The following FAF1 variants were observed in gnomAD, a reference collection of about 807,000 sequenced individuals.
FAF1 encodes FAS-associated factor 1.
FAF1 carries 25 observed loss-of-function variants against 92.5 expected under a neutral mutation model. The observed-to-expected ratio is 0.27, with a 90% CI of 0.20 to 0.38. The LOEUF (loss-of-function observed/expected upper bound fraction) is 0.38. Ranked by LOEUF, FAF1 falls within the 10% of genes least tolerant of loss-of-function variation. FAF1 has a pLI of 1.00. For missense variants in FAF1, 636 were observed against 793.3 expected, an observed-to-expected ratio of 0.80 and a Z score of 2.38; for synonymous variants, 234 against 273.2, an observed-to-expected ratio of 0.86 and a Z score of 1.42.
intron 13 of FAF1, among the ~76,000 whole-genome samples, chr1:50,544,234 C>G (rs998045661): frequency 6.6e-6 from 1 of 152,098 alleles, no homozygotes; most frequent in Non-Finnish European, 1.5e-5. Context: ...TTGGTTTAAA[C>G]TAAACTAAGT....
intron 6 of FAF1, among the ~76,000 whole-genome samples, chr1:50,712,598 G>A (rs1458645621): frequency 6.6e-6 from 1 of 152,148 alleles, no homozygotes; most frequent in Non-Finnish European, 1.5e-5. Context: ...AGAGGTTGCA[G>A]TGAGCCGAAA....
chr1:50,933,850 A>G (rs1470820492), intron 1 of FAF1, among the ~76,000 whole-genome samples: 1 of 152,216 alleles, frequency 6.6e-6, no homozygotes, highest in African/African-American at 2.4e-5. Context: ...ACGGCAAGAG[A>G]AAAATGAGAA....
At chr1:50,773,856 G>T (rs1301431061) in intron 4 of FAF1, among the ~76,000 whole-genome samples, 1 of 152,128 alleles carries the variant, frequency 6.6e-6, no homozygotes, top group Non-Finnish European at 1.5e-5. Flanking sequence ...CAAAGAAATG[G>T]TAAGTATATG....
intron 1 of FAF1, among the ~76,000 whole-genome samples, chr1:50,907,776 CTTT>C (rs1363044373): frequency 1.3e-5 from 2 of 151,760 alleles, no homozygotes; most frequent in African/African-American, 4.8e-5. Flanking sequence ...CTCTTTTCTT[CTTT>C]ATTAGTCCTG....
chr1:50,857,698 A>G (rs112903935), intron 2 of FAF1, among the ~76,000 whole-genome samples: 3,057 of 151,944 alleles, frequency 0.02, 100 homozygotes, highest in African/African-American at 0.071. Context: ...AACACACAGT[A>G]AAATAAGAGA....
intron 12 of FAF1, among the ~76,000 whole-genome samples, chr1:50,574,426 AT>A (rs1433008316): frequency 6.6e-6 from 1 of 152,220 alleles, no homozygotes; most frequent in Non-Finnish European, 1.5e-5. Flanking sequence ...CCAGGTAAAC[AT>A]TTAGACACAG....
chr1:50,612,487 C>G, intron 8 of FAF1: 6 of 1,068,134 alleles, frequency 5.6e-6, no homozygotes, highest in Non-Finnish European at 5.7e-6. Context: ...ACATCTCAAG[C>G]CTGCTTTGTA....
chr1:50,761,387 A>T (rs1429224991), intron 4 of FAF1, among the ~76,000 whole-genome samples: 2 of 152,230 alleles, frequency 1.3e-5, no homozygotes, highest in Non-Finnish European at 2.9e-5. Context: ...CACAACCAAA[A>T]AAGAGAATTT....
intron 7 of FAF1, among the ~76,000 whole-genome samples, chr1:50,669,621 G>A (rs1304868771): frequency 6.6e-6 from 1 of 152,224 alleles, no homozygotes; most frequent in South Asian, 2.1e-4. Context: ...TAGGACATAT[G>A]AAACTGCATT....
intron 1 of FAF1, among the ~76,000 whole-genome samples, chr1:50,922,390 C>T (rs866344387): frequency 2.9e-4 from 36 of 123,796 alleles, no homozygotes; most frequent in African/African-American, 1.1e-3. Flanking sequence ...ACCTGAGAAA[C>T]GGAGGTTGTA....
At position 50,475,486 on chromosome 1, in the gene FAF1, A is replaced by C; in HGVS notation, c.1847T>G (p.Leu616Arg). 1 of 1,613,778 alleles carries C rather than the reference A, an allele frequency of 6.2e-7. No individual in the cohort carries two copies. Among genetic ancestry groups the C allele is most frequent in the Non-Finnish European group, 8.5e-7 (1 of 1,179,662 alleles). The change falls in exon 18 of 19, where the codon CTG (leucine) becomes CGG (arginine). Residue 616 changes from leucine (L) to arginine (R), a missense_variant. By Grantham distance (102) the Leu-to-Arg change is moderately radical. Transcript: ENST00000396153. ...KGFPWDEYKL[L>R]STFPRRDVTQ... Reference sequence around the variant, plus strand: ...TACGTCTCTCCTAGGAAAGGTGCTCAGTAACTTGTACTCATCCCATGGAAA... The same window carrying C: ...TACGTCTCTCCTAGGAAAGGTGCTCCGTAACTTGTACTCATCCCATGGAAA...
chr1:50,505,034 G>A (rs756574754), intron 15 of FAF1, among the ~76,000 whole-genome samples: 3 of 152,122 alleles, frequency 2.0e-5, no homozygotes, highest in Non-Finnish European at 4.4e-5. Flanking sequence ...CTGAGTGGGG[G>A]ATCTTACTGA....
In FAF1 at chr1:50,743,306, A is replaced by C. The variant is rs187071653; in HGVS notation, c.459+1378T>G. Among the ~76,000 whole-genome samples, 11 of 152,228 alleles carry C rather than the reference A, an allele frequency of 7.2e-5. No individual in the cohort carries two copies. The East Asian group carries it at 1.9e-3, about 27-fold the overall frequency. On this transcript the variant is annotated intron_variant, in intron 5 of 18. Transcript: ENST00000396153. ...GAAGAAGAACTGAACCAAAAGTTGA[A>C]GTTTTTATATTTTTATTTATTTTTA...
chr1:50,479,796 C>G (rs1009912583), intron 17 of FAF1, among the ~76,000 whole-genome samples: 2 of 152,168 alleles, frequency 1.3e-5, no homozygotes, highest in Non-Finnish European at 2.9e-5. Context: ...AGAAAGAAAA[C>G]AGACCTCATA....
At chr1:50,548,049 A>G (rs1469374768) in intron 13 of FAF1, among the ~76,000 whole-genome samples, 1 of 152,232 alleles carries the variant, frequency 6.6e-6, no homozygotes, top group Non-Finnish European at 1.5e-5. Flanking sequence ...AGCAATGCAA[A>G]GAAAAGATTC....
intron 6 of FAF1, among the ~76,000 whole-genome samples, chr1:50,707,202 C>CAAAAAAA (rs397862445): frequency 2.8e-5 from 3 of 106,898 alleles, no homozygotes. Flanking sequence ...GACTCTGTGT[C>CAAAAAAA]AAAAAAAAAA....
intron 8 of FAF1, among the ~76,000 whole-genome samples, chr1:50,615,391 G>A (rs778864577): frequency 6.6e-5 from 10 of 152,144 alleles, no homozygotes; most frequent in Non-Finnish European, 1.2e-4. Flanking sequence ...GTATATACCC[G>A]TAATGGAACT....
chr1:50,590,963 C>G (rs1220548808), intron 9 of FAF1, among the ~76,000 whole-genome samples: 2 of 150,620 alleles, frequency 1.3e-5, no homozygotes, highest in Admixed American at 1.3e-4. Context: ...GCCTGGGCAA[C>G]AGAGCGAGAC....
At chr1:50,463,271 C>T (rs1301561263) in intron 18 of FAF1, among the ~76,000 whole-genome samples, 1 of 152,126 alleles carries the variant, frequency 6.6e-6, no homozygotes, top group Admixed American at 6.5e-5. Flanking sequence ...CTGTATGATT[C>T]CATCGAGAGG....
Sources: gnomAD v4.1 joint callset for allele counts (sites outside exome capture counted in the v4.1 genomes callset) on GRCh38, gnomAD v4.1.1 for gene constraint, MANE v1.5 for transcripts, NCBI Gene and HGNC (gene_info 2026-07-23, HGNC 2026-07-21) for gene names.